ADGRL2: variants seen among roughly 807,000 people sequenced by gnomAD.
The protein encoded by ADGRL2 is calcium-independent alpha-latrotoxin receptor 2.
Under a neutral mutation model 157.4 loss-of-function variants are expected in ADGRL2, and 44 were observed. The observed-to-expected ratio is 0.28, with a 90% CI of 0.22 to 0.36. The LOEUF (loss-of-function observed/expected upper bound fraction) is 0.36, where lower values mean the gene tolerates loss of function less well. Ranked by LOEUF, ADGRL2 falls within the 10% of genes least tolerant of loss-of-function variation. The probability of loss-of-function intolerance (pLI) is 1.00; values close to 1 mark genes in which losing one functional copy is unlikely to be tolerated. For missense variants in ADGRL2, 1,510 were observed against 1,768.9 expected (o/e 0.85, Z 2.63); for synonymous variants, 585 against 624.7 (o/e 0.94, Z 0.95).
chr1:81,699,452 C>T (rs1208727103), upstream of ADGRL2, among the ~76,000 whole-genome samples: 1 of 152,138 alleles, frequency 6.6e-6, no homozygotes, highest in Admixed American at 6.5e-5. Flanking sequence ...CTCAGTTAGT[C>T]GGGCCCAGTG....
intron 14 of ADGRL2, among the ~76,000 whole-genome samples, chr1:81,968,414 G>C (rs1657764332): frequency 6.6e-6 from 1 of 152,190 alleles, no homozygotes; most frequent in African/African-American, 2.4e-5. Flanking sequence ...TTATAGACTT[G>C]TAAGTTTTCC....
chr1:81,857,937 T>C (rs2093260383), intron 2 of ADGRL2, among the ~76,000 whole-genome samples: 1 of 152,152 alleles, frequency 6.6e-6, no homozygotes, highest in Non-Finnish European at 1.5e-5. Context: ...AATCTTTCCT[T>C]TTTGTTAAAT....
At chr1:81,375,351 G>A (rs1407593146) in intron 1 of ADGRL2, among the ~76,000 whole-genome samples, 3 of 152,106 alleles carry the variant, frequency 2.0e-5, no homozygotes, top group African/African-American at 4.8e-5. Flanking sequence ...GGTAAAGCAG[G>A]ACCAAATTAT....
At chr1:81,771,624 A>T (rs2086372174) in intron 2 of ADGRL2, among the ~76,000 whole-genome samples, 1 of 152,206 alleles carries the variant, frequency 6.6e-6, no homozygotes, top group African/African-American at 2.4e-5. Context: ...CACACTCTTA[A>T]TGGTCTAAAG....
chr1:81,475,585 G>A (rs11586668), intron 2 of ADGRL2, among the ~76,000 whole-genome samples: 22,721 of 152,126 alleles, frequency 0.15, 1,747 homozygotes, highest in East Asian at 0.19. Flanking sequence ...GAGGGAAAAA[G>A]AATGCTAAAA....
chr1:81,950,252 C>T lies in ADGRL2; in HGVS notation c.1274C>T (p.Thr425Ile). The change falls in exon 7 of 24, where the codon ACA becomes ATA. Residue 425 changes from threonine (T) to isoleucine (I), a missense_variant. Around this residue, in one of 4 missense-constraint regions of ADGRL2, gnomAD observed 325 missense variants for 333.2 expected, o/e 0.98. Transcript: ENST00000686636. Reference sequence around the variant, plus strand: ...CTGTTCAAAACCATAATATCAACCACAAGCACTACTTCACAGAAAGGCCCC... The same window carrying T: ...CTGTTCAAAACCATAATATCAACCATAAGCACTACTTCACAGAAAGGCCCC... ...AELFKTIISTTSTTSQKGPMS... is the reference protein window; with the variant it reads ...AELFKTIISTISTTSQKGPMS... The T allele has an allele frequency of 6.2e-7, 1 of 1,614,046 alleles. No homozygotes were observed. Among genetic ancestry groups the T allele is most frequent in the South Asian group, 1.1e-5 (1 of 91,076 alleles).
chr1:81,655,048 A>G (rs1469661112), intron 3 of ADGRL2, among the ~76,000 whole-genome samples: 1 of 152,156 alleles, frequency 6.6e-6, no homozygotes, highest in Non-Finnish European at 1.5e-5. Flanking sequence ...TCCCAGGTTC[A>G]AGCCTCGCCC....
chr1:81,460,062 A>G lies in ADGRL2; in HGVS notation c.-248+14973A>G, dbSNP rs914398404. Among the ~76,000 whole-genome samples, 7 of 151,922 alleles carry G rather than the reference A, an allele frequency of 4.6e-5. No homozygotes were observed. The East Asian group carries it at 1.2e-3, about 25-fold the overall frequency. ...CCTAAGAGGTGCAAGGTGATATCTC[A>G]TTGTGGTTTTGATTTGTATTTCCCT... On this transcript the variant is annotated intron_variant, in intron 2 of 24. Coordinates refer to the ADGRL2 transcript ENST00000370721.
chr1:81,400,330 G>A (rs2076730350), intron 1 of ADGRL2, among the ~76,000 whole-genome samples: 1 of 152,072 alleles, frequency 6.6e-6, no homozygotes, highest in South Asian at 2.1e-4. Flanking sequence ...GTAGCACCTG[G>A]ACTTTGGGAT....
chr1:81,332,061 T>C (rs923807080), intron 1 of ADGRL2, among the ~76,000 whole-genome samples: 1 of 152,160 alleles, frequency 6.6e-6, no homozygotes, highest in African/African-American at 2.4e-5. Flanking sequence ...TTGACGTTTG[T>C]ATGTGACAAA....
chr1:81,984,618 A>G lies in ADGRL2; in HGVS notation c.3318A>G (p.Ser1106=). 6.2e-7 allele frequency: 1 copy of G among 1,612,498 alleles called. No homozygotes were observed. Among genetic ancestry groups the G allele is most frequent in the Non-Finnish European group, 8.5e-7 (1 of 1,178,894 alleles). Residue 1106 remains serine, a synonymous_variant, in exon 20 of 24, where the codon TCA becomes TCG. Coordinates refer to ENST00000686636, the MANE Select transcript of ADGRL2 (RefSeq NM_001366006.2). ...AATATGGCAAGTGCTTCAGACACTC[A>G]TACTGCTGTGGAGGCCTCCCAACTG... ...RKEYGKCFRH[S]YCCGGLPTES...
intron 1 of ADGRL2, among the ~76,000 whole-genome samples, chr1:81,309,290 A>G (rs888806312): frequency 2.6e-5 from 4 of 152,158 alleles, no homozygotes; most frequent in South Asian, 2.1e-4. Context: ...TGAAAACCCA[A>G]TGGATTTTGC....
In ADGRL2 at chr1:81,990,840, G is replaced by T. The variant is rs759167525; in HGVS notation, c.4105G>T (p.Ala1369Ser). Residue 1369 changes from alanine (A) to serine (S), a missense_variant, in exon 24 of 24, where the codon GCT becomes TCT. Transcript: ENST00000686636. ...DSYVSQLTAE[A>S]EDHLQSPNRD... is the part of the protein sequence containing the mutation. ...CTATGTCTCCCAACTGACAGCAGAG[G>T]CTGAAGATCACCTACAGTCCCCCAA... The T allele has an allele frequency of 5.6e-6, 9 of 1,614,100 alleles. No homozygotes were observed. In the South Asian group the frequency reaches 9.9e-5, roughly 18 times the overall value.
At chr1:81,975,844 C>T (rs1260789839) in intron 17 of ADGRL2, among the ~76,000 whole-genome samples, 1 of 151,774 alleles carries the variant, frequency 6.6e-6, no homozygotes, top group Admixed American at 6.6e-5. Context: ...CTCATTTCCA[C>T]GGTTGTATTT....
At position 81,991,681 on chromosome 1, in the gene ADGRL2, A is replaced by G. The variant is rs1664613801; in HGVS notation, c.*536A>G. On this transcript the variant is annotated 3_prime_UTR_variant, in exon 24 of 24. Coordinates refer to ENST00000686636, the MANE Select transcript of ADGRL2 (RefSeq NM_001366006.2). ...GCAAAGATTGAAAACATGCTTAACC[A>G]CTAGCAATCAAGCCACAGGCCTTAT... The G allele has an allele frequency of 6.5e-6, 1 of 152,984 alleles. No individual in the cohort carries two copies. The highest frequency in any genetic ancestry group is 6.5e-5 in the Admixed American group (1 of 15,316). 9.5% of individuals were successfully genotyped at this position (152,984 alleles called of 1,614,324 possible).
chr1:81,376,599 C>A (rs1030024873), intron 1 of ADGRL2, among the ~76,000 whole-genome samples: 1 of 151,146 alleles, frequency 6.6e-6, no homozygotes, highest in African/African-American at 2.4e-5. Context: ...TTCCTTGCTT[C>A]TTTCCTCCCA....
At position 81,878,868 on chromosome 1, in the gene ADGRL2, C is replaced by T. The variant is rs544659523; in HGVS notation, c.74-28149C>T. Among the ~76,000 whole-genome samples, 7 of 152,176 alleles carry T rather than the reference C, an allele frequency of 4.6e-5. No individual in the cohort carries two copies. In the South Asian group the frequency reaches 6.2e-4, roughly 14 times the overall value. ...CTAAAAAGACACAAATTATATGCTA[C>T]GGTAGTATTTTGGTTTTACTGGATT... is the stretch of plus-strand genomic sequence containing the variant. On this transcript the variant is annotated intron_variant, in intron 2 of 23. Coordinates refer to ENST00000686636, the MANE Select transcript of ADGRL2 (RefSeq NM_001366006.2).
chr1:81,408,196 T>C (rs1311989103), intron 1 of ADGRL2, among the ~76,000 whole-genome samples: 1 of 152,218 alleles, frequency 6.6e-6, no homozygotes, highest in Non-Finnish European at 1.5e-5. Context: ...TGCTCATCAA[T>C]GTGATGGAGT....
At chr1:81,978,088 C>A (rs372956402) in intron 17 of ADGRL2, among the ~76,000 whole-genome samples, 1 of 150,562 alleles carries the variant, frequency 6.6e-6, no homozygotes, top group Non-Finnish European at 1.5e-5. Context: ...AAAAAAAAAA[C>A]ACACTCTTAA....
Sources: allele counts gnomAD v4.1 joint callset (sites outside exome capture counted in the v4.1 genomes callset), GRCh38; gene constraint gnomAD v4.1.1; regional missense constraint gnomAD v4.1.1; transcripts MANE v1.5; gene names NCBI Gene and HGNC (gene_info 2026-07-23, HGNC 2026-07-21).